CAMSAP2: variants seen among roughly 807,000 people sequenced by gnomAD.
The protein encoded by CAMSAP2 is calmodulin regulated spectrin associated protein family member 2.
A neutral mutation model predicts 146.1 loss-of-function variants in CAMSAP2; 26 were observed. The observed-to-expected ratio is 0.18, with a 90% CI of 0.13 to 0.25. The LOEUF (loss-of-function observed/expected upper bound fraction) is 0.25, where lower values mean the gene tolerates loss of function less well. Ranked by LOEUF, CAMSAP2 falls within the 10% of genes least tolerant of loss-of-function variation. The probability of loss-of-function intolerance (pLI) is 1.00; values close to 1 mark genes in which losing one functional copy is unlikely to be tolerated. For missense variants in CAMSAP2, 1,381 were observed against 1,759.3 expected, an observed-to-expected ratio of 0.78 and a Z score of 3.85; for synonymous variants, 499 against 596.6, an observed-to-expected ratio of 0.84 and a Z score of 2.38.
intron 2 of CAMSAP2, among the ~76,000 whole-genome samples, chr1:200,768,901 C>T (rs750273669): frequency 9.0e-4 from 137 of 152,220 alleles, no homozygotes; most frequent in Non-Finnish European, 1.8e-3. Context: ...ATCCACCCAC[C>T]CTGGCCTCTC....
chr1:200,761,416 C>T lies in CAMSAP2; in HGVS notation c.399+318C>T, dbSNP rs117322565. On this transcript the variant is annotated intron_variant, in intron 2 of 16. Transcript: ENST00000358823. ...ATGGAAAATGCATCCTTGACTTTAT[C>T]ATTAGGAAAGAGTTGAGATTAATAA... 1.2e-3 allele frequency among the ~76,000 whole-genome samples: 178 copies of T among 152,276 alleles called. No homozygotes were observed. The East Asian group carries it at 0.032, about 28-fold the overall frequency.
At chr1:200,831,794 A>G (rs1386999204) in intron 4 of CAMSAP2, among the ~76,000 whole-genome samples, 2 of 152,022 alleles carry the variant, frequency 1.3e-5, no homozygotes, top group Non-Finnish European at 1.5e-5. Flanking sequence ...TTTCTGCTTG[A>G]ATAGTATTCT....
At chr1:200,776,444 C>G (rs1360961365) in intron 2 of CAMSAP2, among the ~76,000 whole-genome samples, 1 of 152,182 alleles carries the variant, frequency 6.6e-6, no homozygotes, top group Non-Finnish European at 1.5e-5. Flanking sequence ...CTACGACAAC[C>G]AAACATGGAA....
At chr1:200,740,733 C>A (rs1664143198) in intron 1 of CAMSAP2, among the ~76,000 whole-genome samples, 1 of 152,128 alleles carries the variant, frequency 6.6e-6, no homozygotes, top group African/African-American at 2.4e-5. Context: ...AGTACAGTAG[C>A]AGTTAAACAC....
intron 8 of CAMSAP2, among the ~76,000 whole-genome samples, chr1:200,846,352 C>T (rs1377771732): frequency 6.6e-6 from 1 of 152,162 alleles, no homozygotes. Context: ...TTCTAGGAAC[C>T]TAAATGGACA....
At chr1:200,752,632 T>C (rs1026140669) in intron 1 of CAMSAP2, among the ~76,000 whole-genome samples, 1 of 151,900 alleles carries the variant, frequency 6.6e-6, no homozygotes, top group East Asian at 1.9e-4. Flanking sequence ...TTTTTTTTTT[T>C]GCTGAGATGG....
At chr1:200,796,590 C>G (rs190366384) in intron 2 of CAMSAP2, among the ~76,000 whole-genome samples, 427 of 152,162 alleles carry the variant, frequency 2.8e-3, no homozygotes, top group African/African-American at 9.5e-3. Context: ...GTCTTCCATC[C>G]ATCAATATGG....
chr1:200,782,782 CTTT>C (rs57995961), intron 2 of CAMSAP2, among the ~76,000 whole-genome samples: 2 of 72,284 alleles, frequency 2.8e-5, no homozygotes, highest in Non-Finnish European at 5.4e-5. Context: ...TCATTTCTCT[CTTT>C]TTTTTTTTTT....
intron 1 of CAMSAP2, among the ~76,000 whole-genome samples, chr1:200,740,756 C>G (rs1664144758): frequency 7.2e-5 from 11 of 152,092 alleles, no homozygotes; most frequent in Admixed American, 7.2e-4. Context: ...CCTCCATAAC[C>G]CAGTCTTTGC....
intron 2 of CAMSAP2, among the ~76,000 whole-genome samples, chr1:200,787,823 A>G (rs767927627): frequency 1.3e-5 from 2 of 152,188 alleles, no homozygotes; most frequent in East Asian, 1.9e-4. Flanking sequence ...TCCTTCAGCA[A>G]TCACCACTCT....
chr1:200,824,219 C>T (rs1276839383), intron 4 of CAMSAP2, among the ~76,000 whole-genome samples: 1 of 150,400 alleles, frequency 6.6e-6, no homozygotes, highest in Non-Finnish European at 1.5e-5. Context: ...TTTGATATGC[C>T]CCCATTCATC....
chr1:200,852,481 T>A, intron 11 of CAMSAP2, 60 bp from the exon 12 acceptor site: 3 of 1,566,596 alleles, frequency 1.9e-6, no homozygotes, highest in South Asian at 2.4e-5. Flanking sequence ...CTACAACAAT[T>A]GAAAATGAGA....
At chr1:200,744,157 T>C (rs1571706638) in intron 1 of CAMSAP2, among the ~76,000 whole-genome samples, 1 of 152,296 alleles carries the variant, frequency 6.6e-6, no homozygotes, top group East Asian at 1.9e-4. Flanking sequence ...CTAATGGAGC[T>C]GGGATCTGAA....
intron 2 of CAMSAP2, among the ~76,000 whole-genome samples, chr1:200,774,749 G>A (rs1488339369): frequency 6.6e-6 from 1 of 152,176 alleles, no homozygotes; most frequent in East Asian, 1.9e-4. Flanking sequence ...GAATAAATAC[G>A]AAGACCCTGA....
At chr1:200,797,422 C>T (rs1324035291) in intron 2 of CAMSAP2, among the ~76,000 whole-genome samples, 4 of 150,638 alleles carry the variant, frequency 2.7e-5, no homozygotes, top group Non-Finnish European at 5.9e-5. Flanking sequence ...TGATGGCCAG[C>T]GATGGTGAGC....
chr1:200,788,100 C>T (rs1485239686), intron 2 of CAMSAP2, among the ~76,000 whole-genome samples: 1 of 152,090 alleles, frequency 6.6e-6, no homozygotes, highest in Non-Finnish European at 1.5e-5. Flanking sequence ...TGCAATATAT[C>T]CAAGGAGTGC....
At chr1:200,833,013 A>G (rs553480356) in intron 6 of CAMSAP2, among the ~76,000 whole-genome samples, 168 bp downstream of exon 6, 304 of 152,164 alleles carry the variant, frequency 2.0e-3, no homozygotes, top group African/African-American at 6.6e-3. Context: ...GTGAGCGATG[A>G]TCGTGCCACT....
Position 200,752,056 on chromosome 1 carries a change from T to G in CAMSAP2, c.140-8783T>G, listed in dbSNP as rs546287154. 1.1e-4 allele frequency among the ~76,000 whole-genome samples: 16 copies of G among 152,288 alleles called. No individual in the cohort carries two copies. In the South Asian group the frequency reaches 3.3e-3, roughly 32 times the overall value. ...GGGAAGATATCACAAACATAATCTG[T>G]GGCTCAAAGGGGAGGTCTGGGCTAC... On this transcript the variant is annotated intron_variant, in intron 1 of 16. Transcript: ENST00000358823.
In CAMSAP2 at chr1:200,776,180, G is replaced by A. The variant is rs78804636; in HGVS notation, c.399+15082G>A. 3.9e-5 allele frequency among the ~76,000 whole-genome samples: 6 copies of A among 152,212 alleles called. No individual in the cohort carries two copies. The East Asian group carries it at 1.2e-3, about 29-fold the overall frequency. Reference sequence around the variant, plus strand: ...TTTAGATGTTGTAATCATAGTATTTGGTCAGGGAGCTTGGAAACATTTTAA... The same window carrying A: ...TTTAGATGTTGTAATCATAGTATTTAGTCAGGGAGCTTGGAAACATTTTAA... On this transcript the variant is annotated intron_variant, in intron 2 of 16. Transcript: ENST00000358823.
Sources: allele counts gnomAD v4.1 joint callset (sites outside exome capture counted in the v4.1 genomes callset), GRCh38; gene constraint gnomAD v4.1.1; transcripts MANE v1.5; gene names NCBI Gene and HGNC (gene_info 2026-07-23, HGNC 2026-07-21).